The following DLG2 variants were observed in gnomAD, a reference collection of about 807,000 sequenced individuals.
DLG2 encodes the protein disks large homolog 2.
Under a neutral mutation model 132.5 loss-of-function variants are expected in DLG2, and 45 were observed. The observed-to-expected ratio is 0.34, with a 90% CI of 0.27 to 0.44. The LOEUF (loss-of-function observed/expected upper bound fraction) is 0.44, where lower values mean the gene tolerates loss of function less well. DLG2 is among the 20% of genes least tolerant of loss of function. The pLI, the probability that DLG2 is intolerant of heterozygous loss-of-function variation, is 1.00. For missense variants in DLG2, 1,045 were observed against 1,196.9 expected (o/e 0.87, Z 1.87); for synonymous variants, 424 against 419.6 (o/e 1.01, Z -0.13).
At chr11:83,459,987 T>C (rs1315272697) in intron 27 of DLG2, 63 bp from the exon 28 acceptor site, 1 of 916,920 alleles carries the variant, frequency 1.1e-6, no homozygotes, top group African/African-American at 1.6e-5. Context: ...AGAACAATCA[T>C]CACTTACACA....
In DLG2 at chr11:85,529,504, T is replaced by C. The variant is rs115779290; in HGVS notation, c.40+69153A>G. On this transcript the variant is annotated intron_variant, in intron 3 of 27. Coordinates refer to ENST00000376104, the MANE Select transcript of DLG2 (RefSeq NM_001142699.3). ...AGTCCTATGGCATCTAGTAGTCATC[T>C]GATAGAAAAATGTTCCCTTTTATTT... Among the ~76,000 whole-genome samples the C allele has an allele frequency of 6.6e-3, 999 of 152,274 alleles. 10 individuals are homozygous for C. Among genetic ancestry groups the C allele is most frequent in the African/African-American group, 0.023 (963 of 41,540 alleles).
intron 3 of DLG2, among the ~76,000 whole-genome samples, chr11:85,313,379 C>T (rs887685427): frequency 6.6e-6 from 1 of 151,920 alleles, no homozygotes. Context: ...GAAATAAATC[C>T]TTATTGTGTA....
intron 20 of DLG2, among the ~76,000 whole-genome samples, chr11:83,538,319 C>G (rs930901999): frequency 2.6e-5 from 4 of 152,176 alleles, no homozygotes; most frequent in African/African-American, 9.7e-5. Flanking sequence ...ATTTTTCTCT[C>G]TTAAAAGACC....
At chr11:83,813,194 T>C (rs964609680) in intron 17 of DLG2, among the ~76,000 whole-genome samples, 9 of 152,142 alleles carry the variant, frequency 5.9e-5, no homozygotes, top group Admixed American at 5.9e-4. Context: ...TTTCATCTTC[T>C]TAACCTTTGA....
chr11:83,833,730 G>A lies in DLG2; in HGVS notation c.1606C>T (p.Leu536=). The A allele has an allele frequency of 1.2e-6, 2 of 1,614,016 alleles. No homozygotes were observed. Among genetic ancestry groups the A allele is most frequent in the Non-Finnish European group, 1.7e-6 (2 of 1,179,942 alleles). ...TCCCCACCGACAATGTTGAAGCCCAGGCCAGTGGAGCCTTTGTGCAGGACT... is the reference window on the plus strand; with the variant it reads ...TCCCCACCGACAATGTTGAAGCCCAAGCCAGTGGAGCCTTTGTGCAGGACT... The part of the protein sequence containing the change: ...KVVLHKGSTG[L]GFNIVGGEDG... The change falls in exon 17 of 28, where the codon CTG becomes TTG. Residue 536 remains leucine (L), a synonymous_variant. Coordinates refer to ENST00000376104, the MANE Select transcript of DLG2 (RefSeq NM_001142699.3).
In DLG2 at chr11:84,928,958, A is replaced by ATGTGTGTGTGTGTG. The variant is rs1186822886; in HGVS notation, c.357+182689_357+182702dup. On this transcript the variant is annotated intron_variant, in intron 6 of 27. Coordinates refer to ENST00000376104, the MANE Select transcript of DLG2 (RefSeq NM_001142699.3). ...TGCAATACTTATAATACTCTCTGATATGTGTGTGTGTGTGTGTGTGTGTGT... is the reference window on the plus strand; with the variant it reads ...TGCAATACTTATAATACTCTCTGATATGTGTGTGTGTGTGTGTGTGTGTGTGTGTGTGTGTGTGT... Among the ~76,000 whole-genome samples the ATGTGTGTGTGTGTG allele has an allele frequency of 1.3e-4, 7 of 52,880 alleles. No homozygotes were observed. The Admixed American group carries it at 1.3e-3, about 10-fold the overall frequency. 34.7% of individuals were successfully genotyped at this position (52,880 alleles called of 152,430 possible).
chr11:84,777,332 C>G (rs1350567673), intron 6 of DLG2, among the ~76,000 whole-genome samples: 1 of 99,232 alleles, frequency 1.0e-5, no homozygotes, highest in Non-Finnish European at 2.0e-5. Context: ...TATACGTTTT[C>G]TTTACCCAGT....
At chr11:83,966,605 C>G (rs2090250213) in intron 12 of DLG2, among the ~76,000 whole-genome samples, 1 of 151,978 alleles carries the variant, frequency 6.6e-6, no homozygotes, top group Non-Finnish European at 1.5e-5. Flanking sequence ...TTATCCGTAT[C>G]TGGCTACTAT....
rs537000726 is a variant in DLG2 at position 84,811,130 on chromosome 11, G to C, written c.358-276399C>G. Among the ~76,000 whole-genome samples the C allele has an allele frequency of 2.5e-4, 38 of 152,214 alleles. 1 individual carries two copies. The highest frequency in any genetic ancestry group is 6.8e-3 in the Middle Eastern group (2 of 294). On this transcript the variant is annotated intron_variant, in intron 6 of 27. Coordinates refer to ENST00000376104, the MANE Select transcript of DLG2 (RefSeq NM_001142699.3). Reference sequence around the variant, plus strand: ...CTGACAACTGCATGTGAATGTATAGGTATCTCAAAATAAACTTAATTTACT... The same window carrying C: ...CTGACAACTGCATGTGAATGTATAGCTATCTCAAAATAAACTTAATTTACT...
chr11:83,480,420 G>A, intron 22 of DLG2: 1 of 1,535,138 alleles, frequency 6.5e-7, no homozygotes, highest in Non-Finnish European at 8.7e-7. Context: ...TGTTCTGCAA[G>A]AACAGCACAG....
At chr11:84,639,614 C>A (rs565083261) in intron 6 of DLG2, among the ~76,000 whole-genome samples, 1 of 152,132 alleles carries the variant, frequency 6.6e-6, no homozygotes, top group Non-Finnish European at 1.5e-5. Flanking sequence ...TGCTCCTCAA[C>A]TTCTCAACTT....
At chr11:85,135,421 T>A (rs190440077) in intron 5 of DLG2, among the ~76,000 whole-genome samples, 37 of 152,292 alleles carry the variant, frequency 2.4e-4, no homozygotes, top group Non-Finnish European at 2.9e-4. Context: ...CAGAGTAAGA[T>A]GAGTATTTTC....
rs1185852392 is a variant in DLG2 at position 85,280,896 on chromosome 11, A to G, written c.186+4324T>C. ...AAGGTCATTTATTTTTTATTCCTAA[A>G]TAAAAATTTCTATCATATTTCAAAA... On this transcript the variant is annotated intron_variant, in intron 4 of 27. Transcript: ENST00000376104. Among the ~76,000 whole-genome samples, 8 of 152,148 alleles carry G rather than the reference A, an allele frequency of 5.3e-5. No homozygotes were observed. The East Asian group carries it at 1.5e-3, about 29-fold the overall frequency.
At position 85,303,824 on chromosome 11, in the gene DLG2, C is replaced by A. The variant is rs562206029; in HGVS notation, c.41-18459G>T. Among the ~76,000 whole-genome samples, 13 of 152,268 alleles carry A rather than the reference C, an allele frequency of 8.5e-5. No individual in the cohort carries two copies. The East Asian group carries it at 2.3e-3, about 27-fold the overall frequency. Reference sequence around the variant, plus strand: ...AATGGATAATTGAACAAGAGGAAATCCAAGACCCTGTTAACTTTGAAGTTC... The same window carrying A: ...AATGGATAATTGAACAAGAGGAAATACAAGACCCTGTTAACTTTGAAGTTC... On this transcript the variant is annotated intron_variant, in intron 3 of 27. Coordinates refer to ENST00000376104, the MANE Select transcript of DLG2 (RefSeq NM_001142699.3).
intron 6 of DLG2, among the ~76,000 whole-genome samples, chr11:84,701,428 T>C (rs2059215361): frequency 1.3e-5 from 2 of 151,594 alleles, no homozygotes; most frequent in South Asian, 2.1e-4. Flanking sequence ...CTAGGAATTA[T>C]TTTGAGGGAA....
intron 18 of DLG2, among the ~76,000 whole-genome samples, chr11:83,634,584 T>C (rs2064309732): frequency 6.6e-6 from 1 of 152,150 alleles, no homozygotes; most frequent in Non-Finnish European, 1.5e-5. Context: ...CAGAAAACAA[T>C]TTGATTTTCA....
At chr11:84,878,701 T>C (rs994803403) in intron 6 of DLG2, among the ~76,000 whole-genome samples, 1 of 151,924 alleles carries the variant, frequency 6.6e-6, no homozygotes, top group Non-Finnish European at 1.5e-5. Context: ...ACTTAAAGTA[T>C]AGAAAAAAAA....
intron 7 of DLG2, among the ~76,000 whole-genome samples, chr11:84,513,424 C>T (rs866683246): frequency 5.3e-5 from 8 of 151,872 alleles, no homozygotes; most frequent in East Asian, 1.9e-4. Flanking sequence ...TCACATTACC[C>T]GACTTCAAAT....
chr11:84,243,246 G>A (rs1165443689), intron 8 of DLG2, among the ~76,000 whole-genome samples: 3 of 152,064 alleles, frequency 2.0e-5, no homozygotes, highest in African/African-American at 2.4e-5. Flanking sequence ...AATGTGGCTA[G>A]TGCAACTGAG....
Sources: gnomAD v4.1 joint callset for allele counts (sites outside exome capture counted in the v4.1 genomes callset) on GRCh38, gnomAD v4.1.1 for gene constraint, MANE v1.5 for transcripts, NCBI Gene and HGNC (gene_info 2026-07-23, HGNC 2026-07-21) for gene names.